Variants in GOLGA7 observed in about 807,000 individuals in gnomAD.
GOLGA7 encodes the protein golgin A7.
Under a neutral mutation model 21.1 loss-of-function variants are expected in GOLGA7, and 10 were observed. The observed-to-expected ratio is 0.47, with a 90% CI of 0.29 to 0.80. The LOEUF is 0.80. Among genes scored for constraint, GOLGA7 ranks in the 30% least tolerant of loss-of-function variants. The probability of loss-of-function intolerance (pLI) is 0.08; values close to 1 mark genes in which losing one functional copy is unlikely to be tolerated. For missense variants in GOLGA7, 114 were observed against 166.8 expected, an observed-to-expected ratio of 0.68 and a Z score of 1.74; for synonymous variants, 64 against 62.6, an observed-to-expected ratio of 1.02 and a Z score of -0.10.
At chr8:41,509,094 C>G (rs529471189) in intron 4 of GOLGA7, among the ~76,000 whole-genome samples, 77 of 152,260 alleles carry the variant, frequency 5.1e-4, no homozygotes, top group South Asian at 1.7e-3. Context: ...TGTTTTCTCT[C>G]TGGATTAAGA....
In GOLGA7 at chr8:41,509,679, A is replaced by G. The variant is rs1806373680; in HGVS notation, c.*111A>G. 1 of 152,622 alleles carries G rather than the reference A, an allele frequency of 6.6e-6. No individual in the cohort carries two copies. Among genetic ancestry groups the G allele is most frequent in the Admixed American group, 6.5e-5 (1 of 15,272 alleles). 9.5% of individuals were successfully genotyped at this position (152,622 alleles called of 1,614,324 possible). On this transcript the variant is annotated 3_prime_UTR_variant, in exon 5 of 5. Transcript: ENST00000357743. Reference sequence around the variant, plus strand: ...GCATCATTCCTTTCTATCTGCTGCCAGAGCCACGGTGCCATTTACTCCAAG... The same window carrying G: ...GCATCATTCCTTTCTATCTGCTGCCGGAGCCACGGTGCCATTTACTCCAAG...
intron 4 of GOLGA7, among the ~76,000 whole-genome samples, chr8:41,507,844 G>A (rs62507801): frequency 0.021 from 3,206 of 152,220 alleles, 60 homozygotes; most frequent in Middle Eastern, 0.071. Context: ...CTGCTGCTGC[G>A]CTTTTCTAGT....
intron 1 of GOLGA7, among the ~76,000 whole-genome samples, chr8:41,492,598 G>A (rs1224868955): frequency 1.3e-5 from 2 of 152,186 alleles, no homozygotes; most frequent in Admixed American, 1.3e-4. Context: ...GGAGGCGGAG[G>A]TTGCAGTGAG....
intron 2 of GOLGA7, among the ~76,000 whole-genome samples, chr8:41,498,521 A>G (rs1806074847): frequency 6.6e-6 from 1 of 152,146 alleles, no homozygotes; most frequent in Non-Finnish European, 1.5e-5. Flanking sequence ...GTCAGCAAAC[A>G]TACCCACTGT....
intron 1 of GOLGA7, among the ~76,000 whole-genome samples, chr8:41,494,582 G>T (rs1805961693): frequency 1.3e-5 from 2 of 152,128 alleles, no homozygotes; most frequent in Admixed American, 1.3e-4. Context: ...GCTCTCCTCA[G>T]TCTGTTTTCG....
At chr8:41,493,049 G>T (rs1216606787) in intron 1 of GOLGA7, among the ~76,000 whole-genome samples, 1 of 152,210 alleles carries the variant, frequency 6.6e-6, no homozygotes, top group African/African-American at 2.4e-5. Flanking sequence ...AGAACTGCTT[G>T]TGGTACTGAG....
At chr8:41,493,727 T>C (rs1805940694) in intron 1 of GOLGA7, among the ~76,000 whole-genome samples, 3 of 152,234 alleles carry the variant, frequency 2.0e-5, no homozygotes. Context: ...TGCTTTCTAC[T>C]GTGTAGTTCA....
chr8:41,490,701 G>C lies in GOLGA7; in HGVS notation c.-154G>C. 1 of 588,616 alleles carries C rather than the reference G, an allele frequency of 1.7e-6. No homozygotes were observed. The highest frequency in any genetic ancestry group is 3.0e-6 in the Non-Finnish European group (1 of 330,078). 36.5% of individuals were successfully genotyped at this position (588,616 alleles called of 1,614,324 possible). A position where few individuals can be genotyped will look rare whatever the true frequency, so the allele number is the denominator to read the frequency against. On this transcript the variant is annotated 5_prime_UTR_variant, in exon 1 of 5. Transcript: ENST00000357743. ...AGCTAAGGCCCGCGGTGACAGCATG[G>C]GTGAAGGGGAGCGGGGCAGAGGAGG...
chr8:41,506,234 A>C (rs1219043773), intron 3 of GOLGA7, among the ~76,000 whole-genome samples: 1 of 151,672 alleles, frequency 6.6e-6, no homozygotes, highest in Non-Finnish European at 1.5e-5. Flanking sequence ...TTTGTTTACT[A>C]TTCTTGTCAC....
intron 2 of GOLGA7, among the ~76,000 whole-genome samples, chr8:41,500,955 C>CT (rs1437821222): frequency 2.6e-5 from 4 of 152,294 alleles, no homozygotes; most frequent in African/African-American, 7.2e-5. Context: ...TAGGTAGAAA[C>CT]TTTATCATCT....
In GOLGA7 at chr8:41,504,128, AAAAAAAAAC is replaced by A. The variant is rs1243199392; in HGVS notation, c.265-1778_265-1770del. On this transcript the variant is annotated intron_variant, in intron 2 of 4. Coordinates refer to ENST00000357743, the MANE Select transcript of GOLGA7 (RefSeq NM_001002296.2). ...TAAAACTTAGAGTATAATAAAAAAA[AAAAAAAAAC>A]AAAACAAAACAAAAAAAAAACTTGC... Among the ~76,000 whole-genome samples, 5 of 116,310 alleles carry A rather than the reference AAAAAAAAAC, an allele frequency of 4.3e-5. 1 individual carries two copies. Among genetic ancestry groups the A allele is most frequent in the Admixed American group, 1.1e-4 (1 of 9,432 alleles). 76.3% of individuals were successfully genotyped at this position (116,310 alleles called of 152,430 possible). A position where few individuals can be genotyped will look rare whatever the true frequency, so the allele number is the denominator to read the frequency against.
rs76396889 is a variant in GOLGA7, at chr8:41,490,648, G to T, written c.-207G>T. 0.032 allele frequency: 17,512 copies of T among 544,070 alleles called. 356 individuals are homozygous for T. Among genetic ancestry groups the T allele is most frequent in the Non-Finnish European group, 0.044 (13,432 of 307,960 alleles). 33.7% of individuals were successfully genotyped at this position (544,070 alleles called of 1,614,324 possible). Reference sequence around the variant, plus strand: ...TGTTTCCCGGGCCGAACCGGGTTGTGGGGGGCGCGGGGCCTGGGCCAGGCG... The same window carrying T: ...TGTTTCCCGGGCCGAACCGGGTTGTTGGGGGCGCGGGGCCTGGGCCAGGCG... On this transcript the variant is annotated 5_prime_UTR_variant, in exon 1 of 5. Coordinates refer to ENST00000357743, the MANE Select transcript of GOLGA7 (RefSeq NM_001002296.2).
intron 1 of GOLGA7, among the ~76,000 whole-genome samples, chr8:41,491,313 G>T (rs1805877774): frequency 6.6e-6 from 1 of 152,174 alleles, no homozygotes; most frequent in Non-Finnish European, 1.5e-5. Context: ...GCTCCAGGTC[G>T]TCTCAGTCAC....
At chr8:41,501,544 C>T (rs1047248917) in intron 2 of GOLGA7, among the ~76,000 whole-genome samples, 1 of 151,994 alleles carries the variant, frequency 6.6e-6, no homozygotes, top group African/African-American at 2.4e-5. Flanking sequence ...GCACCCAGCA[C>T]TCAGCCTTTA....
chr8:41,505,945 A>G lies in GOLGA7; in HGVS notation c.299A>G (p.Gln100Arg). ...LKKVSKYIQE[Q>R]NEKIYAPQGL... ...AAAGTCTCCAAATACATTCAAGAGC[A>G]GAATGAGAAGATCTATGCTCCACAA... The change falls in exon 3 of 5, where the codon CAG (glutamine) becomes CGG (arginine). Residue 100 changes from glutamine (Q) to arginine (R), a missense_variant. Coordinates refer to ENST00000357743, the MANE Select transcript of GOLGA7 (RefSeq NM_001002296.2). 2 of 1,599,490 alleles carry G rather than the reference A, an allele frequency of 1.3e-6. No individual in the cohort carries two copies. Among genetic ancestry groups the G allele is most frequent in the Non-Finnish European group, 1.7e-6 (2 of 1,169,090 alleles).
chr8:41,505,929 A>G lies in GOLGA7; in HGVS notation c.283A>G (p.Lys95Glu). The G allele has an allele frequency of 1.3e-6, 2 of 1,588,342 alleles. No individual in the cohort carries two copies. Among genetic ancestry groups the G allele is most frequent in the Non-Finnish European group, 1.7e-6 (2 of 1,160,208 alleles). The stretch of plus-strand genomic sequence containing the variant: ...CTGTCAGGTTCTGAAGAAAGTCTCC[A>G]AATACATTCAAGAGCAGAATGAGAA... ...HYEKVLKKVSKYIQEQNEKIY... is the reference protein window; with the variant it reads ...HYEKVLKKVSEYIQEQNEKIY... The change falls in exon 3 of 5, where the codon AAA (lysine) becomes GAA (glutamate). Residue 95 changes from lysine (K) to glutamate (E), a missense_variant. Lys to Glu is a moderately conservative substitution (Grantham distance 56). Coordinates refer to ENST00000357743, the MANE Select transcript of GOLGA7 (RefSeq NM_001002296.2).
Position 41,510,799 on chromosome 8 carries a change from C to G in GOLGA7, c.*1231C>G, listed in dbSNP as rs1397871216. 6.5e-6 allele frequency: 1 copy of G among 153,048 alleles called. No individual in the cohort carries two copies. The highest frequency in any genetic ancestry group is 1.5e-5 in the Non-Finnish European group (1 of 68,380). The allele number at this position is 153,048 out of a possible 1,614,324, so 9.5% of individuals were successfully genotyped here. A position where few individuals can be genotyped will look rare whatever the true frequency, so the allele number is the denominator to read the frequency against. On this transcript the variant is annotated 3_prime_UTR_variant, in exon 5 of 5. Coordinates refer to ENST00000357743, the MANE Select transcript of GOLGA7 (RefSeq NM_001002296.2). ...TAGGTGCTAATACTGGATTTCGTCTCAGATTTAATTTCTTTTATGGGTCTG... is the reference window on the plus strand; with the variant it reads ...TAGGTGCTAATACTGGATTTCGTCTGAGATTTAATTTCTTTTATGGGTCTG...
chr8:41,495,385 A>G (rs998397214), intron 1 of GOLGA7, among the ~76,000 whole-genome samples: 1 of 151,704 alleles, frequency 6.6e-6, no homozygotes, highest in African/African-American at 2.4e-5. Context: ...CCCAGGCTCC[A>G]GCAATCCTCC....
At chr8:41,496,969 G>A (rs562571242) in intron 1 of GOLGA7, among the ~76,000 whole-genome samples, 14 of 151,804 alleles carry the variant, frequency 9.2e-5, no homozygotes, top group South Asian at 6.3e-4. Context: ...CACCATGCCC[G>A]GCTAATTTTT....
Sources: allele counts gnomAD v4.1 joint callset (sites outside exome capture counted in the v4.1 genomes callset), GRCh38; gene constraint gnomAD v4.1.1; transcripts MANE v1.5; gene names NCBI Gene and HGNC (gene_info 2026-07-23, HGNC 2026-07-21).